The following RAD51C variants were observed in gnomAD, a reference collection of about 807,000 sequenced individuals.
RAD51C encodes RAD51 paralog C.
Under a neutral mutation model 45.0 loss-of-function variants are expected in RAD51C, and 42 were observed. The ratio of observed to expected loss-of-function variants is 0.93; its 90% CI spans 0.73 to 1.21. The LOEUF (loss-of-function observed/expected upper bound fraction) is 1.21. Ranked by LOEUF, RAD51C falls within the 50% of genes most tolerant of loss-of-function variation. The pLI is 0.00. For missense variants in RAD51C, 474 were observed against 452.2 expected (o/e 1.05, Z -0.44); for synonymous variants, 172 against 159.8 (o/e 1.08, Z -0.58).
At position 58,733,258 on chromosome 17, in the gene RAD51C, C is replaced by T. The variant is rs143734013; in HGVS notation, c.1026+714C>T. Among the ~76,000 whole-genome samples, 743 of 152,230 alleles carry T rather than the reference C, an allele frequency of 4.9e-3. 26 individuals are homozygous for T. Among genetic ancestry groups the T allele is most frequent in the Admixed American group, 0.041 (621 of 15,286 alleles). On this transcript the variant is annotated intron_variant, in intron 8 of 8. Transcript: ENST00000337432. ...CTCAAACTCCTGACCTCAAGTGATC[C>T]GCCCTTCTCAGCCTTCCAAAATTCT...
chr17:58,729,628 G>C, intron 7 of RAD51C, among the ~76,000 whole-genome samples: 1 of 151,930 alleles, frequency 6.6e-6, no homozygotes, highest in East Asian at 1.9e-4. Context: ...CTGGAGTGCA[G>C]TGGCGCCATA....
At chr17:58,708,702 G>GT (rs544917354) in intron 4 of RAD51C, among the ~76,000 whole-genome samples, 11 of 84,460 alleles carry the variant, frequency 1.3e-4, no homozygotes, top group African/African-American at 3.2e-4. Flanking sequence ...TTTTTGCTTT[G>GT]GGGGGGGCTT....
rs757128712 is a variant in RAD51C at position 58,692,789 on chromosome 17, G to T, written c.145+1G>T. 6.2e-7 allele frequency: 1 copy of T among 1,614,194 alleles called. No homozygotes were observed. The highest frequency in any genetic ancestry group is 8.5e-7 in the Non-Finnish European group (1 of 1,180,030). On this transcript the variant is annotated splice_donor_variant, in intron 1 of 8. Transcript: ENST00000337432. LOFTEE classifies it high-confidence loss of function. ...GTGAAACCCTCCGAGCTTAGCAAAG[G>T]TAACGACTCCTGATGGCAAGCTGAG...
At chr17:58,696,488 C>T (rs1274836014) in intron 2 of RAD51C, among the ~76,000 whole-genome samples, 2 of 152,174 alleles carry the variant, frequency 1.3e-5, no homozygotes, top group Admixed American at 1.3e-4. Context: ...TAGGCATGCC[C>T]TCCCCGAATC....
chr17:58,729,638 A>G (rs1210080302), intron 7 of RAD51C, among the ~76,000 whole-genome samples: 1 of 150,270 alleles, frequency 6.7e-6, no homozygotes, highest in Non-Finnish European at 1.5e-5. Flanking sequence ...GTGGCGCCAT[A>G]TCGGCTCCCT....
chr17:58,708,859 C>T (rs531472168), intron 4 of RAD51C, among the ~76,000 whole-genome samples: 14 of 151,816 alleles, frequency 9.2e-5, no homozygotes, highest in East Asian at 7.8e-4. Context: ...TGAGCCACCG[C>T]GCCCAGCCTG....
At chr17:58,719,729 A>ATT (rs35062854) in intron 5 of RAD51C, among the ~76,000 whole-genome samples, 212 of 135,740 alleles carry the variant, frequency 1.6e-3, no homozygotes, top group African/African-American at 3.3e-3. Flanking sequence ...TGGATTTTTA[A>ATT]TTTTTTTTTT....
chr17:58,724,037 CAG>C lies in RAD51C; in HGVS notation c.905-2_905-1del, dbSNP rs587781995. On this transcript the variant is annotated splice_acceptor_variant, in intron 6 of 8. Coordinates refer to ENST00000337432, the MANE Select transcript of RAD51C (RefSeq NM_058216.3). LOFTEE classifies it high-confidence loss of function. The stretch of plus-strand genomic sequence containing the variant: ...ATACAGTTATTATGTTTTTTACTCT[CAG>C]GGGAAAGTTGGGGACATGCTGCTAC... 11 of 1,611,156 alleles carry C rather than the reference CAG, an allele frequency of 6.8e-6. No homozygotes were observed. The highest frequency in any genetic ancestry group is 1.1e-5 in the South Asian group (1 of 91,022).
At chr17:58,694,768 T>A (rs149403534) in intron 1 of RAD51C, 163 bp from the exon 2 acceptor site, 14 of 780,892 alleles carry the variant, frequency 1.8e-5, no homozygotes, top group Non-Finnish European at 2.8e-5. Flanking sequence ...AGCCACTGTG[T>A]CCGGCCAAAC....
chr17:58,733,635 A>G (rs2049533117), intron 8 of RAD51C, among the ~76,000 whole-genome samples: 1 of 152,224 alleles, frequency 6.6e-6, no homozygotes, highest in East Asian at 1.9e-4. Context: ...TATATATAAA[A>G]TACTCTTAAT....
intron 5 of RAD51C, among the ~76,000 whole-genome samples, chr17:58,719,807 C>T (rs1299119517): frequency 1.3e-5 from 2 of 149,466 alleles, no homozygotes; most frequent in African/African-American, 2.5e-5. Context: ...CAGCTCACTG[C>T]AGGCTCTGCT....
chr17:58,714,328 G>A (rs1325753374), intron 5 of RAD51C, among the ~76,000 whole-genome samples: 1 of 151,982 alleles, frequency 6.6e-6, no homozygotes, highest in Non-Finnish European at 1.5e-5. Context: ...CAAAGGAATC[G>A]ATTTTTGAAC....
In RAD51C at chr17:58,734,247, C is replaced by G. The variant is rs28363336; in HGVS notation, c.*25C>G. 7,821 of 1,598,828 alleles carry G rather than the reference C, an allele frequency of 4.9e-3. 338 individuals carry two copies. The South Asian group carries it at 0.082, about 17-fold the overall frequency. On this transcript the variant is annotated 3_prime_UTR_variant, in exon 9 of 9. Transcript: ENST00000337432. ...ACCCAGAAACAAATCTCAAAGTGTA[C>G]AAATTTATTGATGTTGTGAAATCAA... is the stretch of plus-strand genomic sequence containing the variant.
intron 4 of RAD51C, among the ~76,000 whole-genome samples, chr17:58,707,389 C>T (rs897198052): frequency 2.6e-4 from 39 of 152,130 alleles, no homozygotes; most frequent in African/African-American, 7.9e-4. Flanking sequence ...GGTGTGGTGG[C>T]GTGTGCCTGT....
At chr17:58,695,982 G>A (rs963713702) in intron 2 of RAD51C, among the ~76,000 whole-genome samples, 5 of 151,730 alleles carry the variant, frequency 3.3e-5, no homozygotes, top group African/African-American at 7.3e-5. Flanking sequence ...CAGGAGAATC[G>A]CTTGTACTTG....
intron 5 of RAD51C, among the ~76,000 whole-genome samples, chr17:58,716,185 A>G (rs567003098): frequency 3.3e-4 from 50 of 152,266 alleles, no homozygotes; most frequent in Admixed American, 2.2e-3. Flanking sequence ...ATGGAGGCCA[A>G]TCGTTTTGCA....
rs111840652 is a variant in RAD51C at position 58,695,772 on chromosome 17, C to CA, written c.404+593dup. On this transcript the variant is annotated intron_variant, in intron 2 of 8. Coordinates refer to ENST00000337432, the MANE Select transcript of RAD51C (RefSeq NM_058216.3). ...TGGGCAGCAGAGTGAGACCCTATCT[C>CA]AAAAAAAAAAGAGGCCGGGGATGGT... Among the ~76,000 whole-genome samples the CA allele has an allele frequency of 1.2e-3, 164 of 132,852 alleles. 1 individual carries two copies. The highest frequency in any genetic ancestry group is 3.9e-3 in the African/African-American group (140 of 36,232). The allele number at this position is 132,852 out of a possible 152,430, so 87.2% of individuals were successfully genotyped here.
At chr17:58,727,965 G>A (rs186875376) in intron 7 of RAD51C, among the ~76,000 whole-genome samples, 7 of 151,806 alleles carry the variant, frequency 4.6e-5, no homozygotes, top group African/African-American at 9.7e-5. Flanking sequence ...ACATGAGGCC[G>A]GGCGCAGTGG....
intron 7 of RAD51C, among the ~76,000 whole-genome samples, chr17:58,728,027 G>A (rs1326800198): frequency 2.0e-5 from 3 of 151,926 alleles, no homozygotes; most frequent in Non-Finnish European, 4.4e-5. Context: ...TGGATCACCT[G>A]AGGTTGGGAG....
Sources: gnomAD v4.1 joint callset for allele counts (sites outside exome capture counted in the v4.1 genomes callset) on GRCh38, gnomAD v4.1.1 for gene constraint, MANE v1.5 for transcripts, NCBI Gene and HGNC (gene_info 2026-07-23, HGNC 2026-07-21) for gene names.